Variants in DNAJC21 observed in about 807,000 individuals in gnomAD.
DNAJC21 encodes DnaJ heat shock protein family (Hsp40) member C21, also known as dnaJ homolog subfamily C member 21.
In DNAJC21, 63 loss-of-function variants were observed where a neutral mutation model predicts 72.4. The observed-to-expected ratio is 0.87, with a 90% CI of 0.71 to 1.07. DNAJC21 has a LOEUF of 1.07. Ranked by LOEUF, DNAJC21 falls within the 50% of genes least tolerant of loss-of-function variation. The pLI, the probability that DNAJC21 is intolerant of heterozygous loss-of-function variation, is 0.00. For synonymous variants in DNAJC21, 203 were observed against 216.7 expected, an observed-to-expected ratio of 0.94 and a Z score of 0.56; for missense variants, 634 against 644.8, an observed-to-expected ratio of 0.98 and a Z score of 0.18.
At chr5:34,938,424 A>G (rs892764270) in intron 5 of DNAJC21, among the ~76,000 whole-genome samples, 5 of 152,196 alleles carry the variant, frequency 3.3e-5, no homozygotes, top group Non-Finnish European at 5.9e-5. Context: ...GTGTACCCTG[A>G]GATACTCAGT....
chr5:34,948,604 C>T (rs561763901), intron 9 of DNAJC21, among the ~76,000 whole-genome samples: 7 of 152,198 alleles, frequency 4.6e-5, no homozygotes, highest in African/African-American at 1.2e-4. Context: ...CGGTGGCTCA[C>T]GCCTGTAATC....
intron 11 of DNAJC21, 35 bp from the exon 12 acceptor site, chr5:34,954,518 G>A (rs200289624): frequency 4.5e-6 from 7 of 1,567,536 alleles, no homozygotes; most frequent in South Asian, 1.2e-5. Context: ...AAGTGATAAC[G>A]CTTACTTTTA....
chr5:34,949,561 T>A (rs758244844), intron 9 of DNAJC21: 1 of 1,559,390 alleles, frequency 6.4e-7, no homozygotes, highest in African/African-American at 1.4e-5. Flanking sequence ...TGGCAAAGAT[T>A]CATATCTGCC....
At chr5:34,935,884 C>T (rs1159398474) in intron 3 of DNAJC21, 51 bp downstream of exon 3, 1 of 1,606,826 alleles carries the variant, frequency 6.2e-7, no homozygotes, top group Non-Finnish European at 8.5e-7. Flanking sequence ...TTCATTAAGA[C>T]TCACATACAA....
At chr5:34,954,043 TG>T (rs1290106058) in intron 11 of DNAJC21, 42 bp downstream of exon 11, 2 of 1,543,996 alleles carry the variant, frequency 1.3e-6, no homozygotes, top group Non-Finnish European at 1.8e-6. Flanking sequence ...CATATCTTGC[TG>T]TTTAAGCAGT....
chr5:34,951,840 A>G (rs902266251), intron 10 of DNAJC21: 4 of 985,388 alleles, frequency 4.1e-6, no homozygotes, highest in African/African-American at 1.7e-5. Flanking sequence ...TTACTTCTAC[A>G]TGAGAATTGA....
intron 5 of DNAJC21, 109 bp downstream of exon 5, chr5:34,937,739 C>G: frequency 7.7e-7 from 1 of 1,291,452 alleles, no homozygotes; most frequent in Non-Finnish European, 1.1e-6. Flanking sequence ...TGGCTTTATC[C>G]TGCTTTTTCT....
intron 10 of DNAJC21, 72 bp downstream of exon 10, chr5:34,950,414 A>G: frequency 1.7e-5 from 26 of 1,521,228 alleles, no homozygotes; most frequent in East Asian, 2.4e-5. Flanking sequence ...TCATATATCA[A>G]ATAAAATCTT....
chr5:34,935,696 T>A lies in DNAJC21; in HGVS notation c.192-14T>A. 6.2e-7 allele frequency: 1 copy of A among 1,613,690 alleles called. No homozygotes were observed. Among genetic ancestry groups the A allele is most frequent in the Non-Finnish European group, 8.5e-7 (1 of 1,179,766 alleles). On this transcript the variant is annotated splice_polypyrimidine_tract_variant and intron_variant, in intron 2 of 11. Transcript: ENST00000648817. ...TATTCAGCCTTCACAATGATGCTAA[T>A]TTTTGTTTTTCAGGTATGATAATCA...
Position 34,958,871 on chromosome 5 carries a change from A to G in DNAJC21, c.*4157A>G, listed in dbSNP as rs970438099. Reference sequence around the variant, plus strand: ...TGTTAAAAAAATAAGAAGAATGACTATTTTTCAAAACAAAAAATGAGAAGA... The same window carrying G: ...TGTTAAAAAAATAAGAAGAATGACTGTTTTTCAAAACAAAAAATGAGAAGA... On this transcript the variant is annotated 3_prime_UTR_variant, in exon 12 of 12. Transcript: ENST00000648817. The G allele has an allele frequency of 9.2e-5, 14 of 152,122 alleles. No individual in the cohort carries two copies. The highest frequency in any genetic ancestry group is 3.1e-4 in the African/African-American group (13 of 41,384). 9.4% of individuals were successfully genotyped at this position (152,122 alleles called of 1,614,324 possible). A position where few individuals can be genotyped will look rare whatever the true frequency, so the allele number is the denominator to read the frequency against.
At chr5:34,936,884 G>C (rs1021467163) in intron 4 of DNAJC21, among the ~76,000 whole-genome samples, 1 of 152,086 alleles carries the variant, frequency 6.6e-6, no homozygotes, top group Admixed American at 6.5e-5. Flanking sequence ...CCAGGTAGCT[G>C]GGATTACAGG....
In DNAJC21 at chr5:34,950,222, A is replaced by G. The variant is rs1053082064; in HGVS notation, c.1238A>G (p.Asp413Gly). ...GGACCTGGAGAAGGAGTAAAGGTTG[A>G]TCCAGAAGATACTAACTTAAATCAA... ...VNGPGEGVKV[D>G]PEDTNLNQDS... The change falls in exon 10 of 12, where the codon GAT (aspartate) becomes GGT (glycine). Residue 413 changes from aspartate (D) to glycine (G), a missense_variant. By Grantham distance (94) the Asp-to-Gly change is moderately conservative (BLOSUM62 -1). Coordinates refer to ENST00000648817, the MANE Select transcript of DNAJC21 (RefSeq NM_001012339.3). The G allele has an allele frequency of 2.8e-5, 45 of 1,613,726 alleles. No individual in the cohort carries two copies. The highest frequency in any genetic ancestry group is 3.6e-5 in the Non-Finnish European group (43 of 1,179,912).
chr5:34,944,013 T>A (rs1255398606), intron 7 of DNAJC21, among the ~76,000 whole-genome samples: 1 of 152,138 alleles, frequency 6.6e-6, no homozygotes, highest in Non-Finnish European at 1.5e-5. Flanking sequence ...AGAATTTTAG[T>A]AGGAAAGAAA....
chr5:34,951,852 C>G (rs962229766), intron 10 of DNAJC21: 16 of 985,290 alleles, frequency 1.6e-5, no homozygotes, highest in Non-Finnish European at 1.9e-5. Context: ...GAGAATTGAT[C>G]TGGGGAGGAA....
intron 10 of DNAJC21, chr5:34,952,380 A>C: frequency 2.1e-6 from 1 of 466,398 alleles, no homozygotes; most frequent in Non-Finnish European, 2.8e-6. Context: ...AATATGTTAC[A>C]CTCCTAATCT....
chr5:34,951,361 G>A, intron 10 of DNAJC21: 2 of 985,388 alleles, frequency 2.0e-6, no homozygotes, highest in Non-Finnish European at 2.4e-6. Flanking sequence ...GAGTAGAAAG[G>A]CTGACACTTC....
At chr5:34,953,769 C>G in intron 10 of DNAJC21, 157 bp from the exon 11 acceptor site, 1 of 430,464 alleles carries the variant, frequency 2.3e-6, no homozygotes, top group Non-Finnish European at 4.0e-6. Flanking sequence ...TAAAGATGTT[C>G]ATTTAAGATG....
chr5:34,940,103 G>A (rs1296685414), intron 6 of DNAJC21, among the ~76,000 whole-genome samples: 3 of 152,106 alleles, frequency 2.0e-5, no homozygotes, highest in Non-Finnish European at 4.4e-5. Flanking sequence ...CCCCTTACAT[G>A]GAGGTTTTGC....
chr5:34,929,720 C>T lies in DNAJC21; in HGVS notation c.-100C>T, dbSNP rs1764510227. The T allele has an allele frequency of 1.8e-5, 8 of 439,964 alleles. No individual in the cohort carries two copies. Among genetic ancestry groups the T allele is most frequent in the Non-Finnish European group, 2.5e-5 (8 of 324,472 alleles). 27.3% of individuals were successfully genotyped at this position (439,964 alleles called of 1,614,324 possible). A position where few individuals can be genotyped will look rare whatever the true frequency, so the allele number is the denominator to read the frequency against. ...CCCGGTGCGGGCGGCGGACTCCCGCCGGAGAGGACTGCCAGCGCCGCCGCC... is the reference window on the plus strand; with the variant it reads ...CCCGGTGCGGGCGGCGGACTCCCGCTGGAGAGGACTGCCAGCGCCGCCGCC... On this transcript the variant is annotated 5_prime_UTR_variant, in exon 1 of 12. Coordinates refer to ENST00000648817, the MANE Select transcript of DNAJC21 (RefSeq NM_001012339.3).
Sources: gnomAD v4.1 joint callset for allele counts (sites outside exome capture counted in the v4.1 genomes callset) on GRCh38, gnomAD v4.1.1 for gene constraint, MANE v1.5 for transcripts, NCBI Gene and HGNC (gene_info 2026-07-23, HGNC 2026-07-21) for gene names.